The following SLC6A17 variants were observed in gnomAD, a reference collection of about 807,000 sequenced individuals.
SLC6A17 encodes solute carrier family 6 member 17, also known as sodium-dependent neutral amino acid transporter SLC6A17.
Under a neutral mutation model 64.5 loss-of-function variants are expected in SLC6A17, and 21 were observed. The ratio of observed to expected loss-of-function variants is 0.33; its 90% CI spans 0.23 to 0.47. The LOEUF is 0.47. Among genes scored for constraint, SLC6A17 ranks in the 20% least tolerant of loss-of-function variants. The pLI is 1.00. For missense variants in SLC6A17, 682 were observed against 963.2 expected, an observed-to-expected ratio of 0.71 and a Z score of 3.86; for synonymous variants, 372 against 399.5, an observed-to-expected ratio of 0.93 and a Z score of 0.82.
At chr1:110,186,732 C>T (rs542559888) in intron 6 of SLC6A17, among the ~76,000 whole-genome samples, 1 of 152,288 alleles carries the variant, frequency 6.6e-6, no homozygotes, top group African/African-American at 2.4e-5. Flanking sequence ...TTCATACAAA[C>T]AGGAGAGGAG....
rs1432947537 is a variant in SLC6A17 at position 110,172,194 on chromosome 1, G to T, written c.421G>T (p.Gly141Cys). 1.9e-6 allele frequency: 3 copies of T among 1,599,698 alleles called. No individual in the cohort carries two copies. The highest frequency in any genetic ancestry group is 2.6e-6 in the Non-Finnish European group (3 of 1,173,518). Residue 141 changes from glycine to cysteine, a missense_variant, in exon 3 of 12, where the codon GGC (glycine) becomes TGC (cysteine). Coordinates refer to ENST00000331565, the MANE Select transcript of SLC6A17 (RefSeq NM_001010898.4). ...VWHYICPRLG[G>C]IGFSSCIVCL... ...GCACTATATATGTCCCCGCCTGGGG[G>T]GCATCGGCTTCTCCAGCTGCATAGT... is the stretch of plus-strand genomic sequence containing the variant.
At chr1:110,169,065 G>A (rs1656148276) in intron 2 of SLC6A17, among the ~76,000 whole-genome samples, 1 of 152,136 alleles carries the variant, frequency 6.6e-6, no homozygotes, top group Non-Finnish European at 1.5e-5. Context: ...TCTATATCAA[G>A]TTGTCTTAAA....
At chr1:110,154,830 G>C (rs189935262) in intron 1 of SLC6A17, among the ~76,000 whole-genome samples, 1 of 152,158 alleles carries the variant, frequency 6.6e-6, no homozygotes, top group Non-Finnish European at 1.5e-5. Context: ...GCAGTTTCTG[G>C]TGAGGCCCCA....
chr1:110,162,146 G>A (rs370136780), intron 1 of SLC6A17, among the ~76,000 whole-genome samples: 3 of 152,224 alleles, frequency 2.0e-5, no homozygotes, highest in African/African-American at 7.2e-5. Context: ...TTCATCATCC[G>A]ACGTGTTGCT....
intron 6 of SLC6A17, among the ~76,000 whole-genome samples, chr1:110,177,120 A>G (rs568105193): frequency 1.3e-5 from 2 of 152,202 alleles, no homozygotes; most frequent in Non-Finnish European, 2.9e-5. Context: ...TAGCTAGGGT[A>G]TGAGAGCAGG....
chr1:110,164,581 C>T (rs1655996330), intron 1 of SLC6A17, among the ~76,000 whole-genome samples: 1 of 152,200 alleles, frequency 6.6e-6, no homozygotes. Flanking sequence ...TCCTGCAGAC[C>T]TAATGGCACA....
rs781541921 is a variant in SLC6A17, at chr1:110,195,717, G to A, written c.1624G>A (p.Ala542Thr). The A allele has an allele frequency of 1.1e-5, 18 of 1,614,106 alleles. No individual in the cohort carries two copies. The highest frequency in any genetic ancestry group is 5.0e-5 in the Admixed American group (3 of 60,012). Residue 542 changes from alanine (A) to threonine (T), a missense_variant, in exon 10 of 12, where the codon GCT becomes ACT. Around this residue, in one of 3 missense-constraint regions of SLC6A17, gnomAD observed 264 missense variants for 339.5 expected, o/e 0.78. Coordinates refer to ENST00000331565, the MANE Select transcript of SLC6A17 (RefSeq NM_001010898.4). ...LTLIVILENIAVAWIYGTKKF... is the reference protein window; with the variant it reads ...LTLIVILENITVAWIYGTKKF... ...TCTCATCGTCATCCTTGAGAACATC[G>A]CTGTGGCCTGGATTTATGGAACCAA...
At chr1:110,170,846 G>GGTGTGT (rs113598904) in intron 2 of SLC6A17, among the ~76,000 whole-genome samples, 2,118 of 150,110 alleles carry the variant, frequency 0.014, 54 homozygotes, top group African/African-American at 0.048. Context: ...ACTAGTCTGT[G>GGTGTGT]GTGTGTGTGT....
chr1:110,174,314 C>T (rs1656315849), intron 4 of SLC6A17, among the ~76,000 whole-genome samples: 1 of 152,192 alleles, frequency 6.6e-6, no homozygotes, highest in Non-Finnish European at 1.5e-5. Flanking sequence ...GTAGGTAAAA[C>T]TCTGGAAAGC....
intron 11 of SLC6A17, among the ~76,000 whole-genome samples, 164 bp downstream of exon 11, chr1:110,197,763 G>A (rs189926672): frequency 7.2e-5 from 11 of 152,370 alleles, no homozygotes; most frequent in Admixed American, 7.2e-4. Flanking sequence ...GACAGAGGTG[G>A]CATCATCCCT....
At chr1:110,172,400 A>C in intron 3 of SLC6A17, 183 bp downstream of exon 3, 2 of 753,540 alleles carry the variant, frequency 2.7e-6, no homozygotes, top group Non-Finnish European at 4.1e-6. Context: ...TGTTTCCTAA[A>C]CTGAGAGTCG....
At position 110,198,335 on chromosome 1, in the gene SLC6A17, G is replaced by T; in HGVS notation, c.2075G>T (p.Arg692Leu). 2 of 1,614,154 alleles carry T rather than the reference G, an allele frequency of 1.2e-6. No homozygotes were observed. Among genetic ancestry groups the T allele is most frequent in the Non-Finnish European group, 1.7e-6 (2 of 1,180,008 alleles). ...SEAPSPMPTH[R>L]SYLGPGSTSP... Reference sequence around the variant, plus strand: ...GCACCTTCCCCCATGCCCACTCACCGTTCCTATCTGGGGCCCGGCAGCACA... The same window carrying T: ...GCACCTTCCCCCATGCCCACTCACCTTTCCTATCTGGGGCCCGGCAGCACA... The change falls in exon 12 of 12, where the codon CGT becomes CTT. Residue 692 changes from arginine to leucine, a missense_variant. Transcript: ENST00000331565.
chr1:110,193,096 G>A (rs963703659), intron 8 of SLC6A17, among the ~76,000 whole-genome samples: 4 of 152,198 alleles, frequency 2.6e-5, no homozygotes, highest in Admixed American at 6.5e-5. Flanking sequence ...CTCTTTTGAC[G>A]CTCAAGACAG....
rs371275289 is a variant in SLC6A17 at position 110,193,541 on chromosome 1, T to C, written c.1299+843T>C. ...CGGAGCCAGCTCCCATCAGCCTGGG[T>C]CAACCCTGTCCTTCATGGGACTGGG... On this transcript the variant is annotated intron_variant, in intron 8 of 11. Transcript: ENST00000331565. 5.3e-5 allele frequency among the ~76,000 whole-genome samples: 8 copies of C among 152,342 alleles called. No homozygotes were observed. The East Asian group carries it at 1.5e-3, about 29-fold the overall frequency.
chr1:110,200,078 G>A lies in SLC6A17; in HGVS notation c.*1634G>A. 2.5e-6 allele frequency: 1 copy of A among 398,510 alleles called. No individual in the cohort carries two copies. Among genetic ancestry groups the A allele is most frequent in the South Asian group, 1.3e-4 (1 of 7,856 alleles). 24.7% of individuals were successfully genotyped at this position (398,510 alleles called of 1,614,324 possible). On this transcript the variant is annotated 3_prime_UTR_variant, in exon 12 of 12. Coordinates refer to ENST00000331565, the MANE Select transcript of SLC6A17 (RefSeq NM_001010898.4). ...GAAACAGGCCACAGTGCTCAACCCG[G>A]ACACCCTCACGAAGGGTCGCAAGTC...
intron 6 of SLC6A17, among the ~76,000 whole-genome samples, chr1:110,185,317 A>G (rs1421860382): frequency 3.3e-5 from 5 of 152,350 alleles, no homozygotes; most frequent in African/African-American, 1.2e-4. Context: ...TCCCTTGTGA[A>G]GGTGACACTG....
intron 2 of SLC6A17, among the ~76,000 whole-genome samples, chr1:110,170,298 C>A (rs2101845526): frequency 1.3e-5 from 2 of 152,238 alleles, no homozygotes; most frequent in Middle Eastern, 6.8e-3. Flanking sequence ...TCCTGGCTAA[C>A]ATGGTGAAAC....
chr1:110,191,943 C>A (rs1298496519), intron 6 of SLC6A17, 29 bp from the exon 7 acceptor site: 2 of 1,603,648 alleles, frequency 1.2e-6, no homozygotes, highest in African/African-American at 2.7e-5. Flanking sequence ...TGTCTCTTTT[C>A]TTCCTCCTGC....
intron 6 of SLC6A17, among the ~76,000 whole-genome samples, chr1:110,179,245 C>T (rs1011454697): frequency 2.0e-5 from 3 of 152,120 alleles, no homozygotes; most frequent in Admixed American, 6.5e-5. Context: ...ATAAACACTA[C>T]GCAGGTCTTC....
Sources: allele counts gnomAD v4.1 joint callset (sites outside exome capture counted in the v4.1 genomes callset), GRCh38; gene constraint gnomAD v4.1.1; regional missense constraint gnomAD v4.1.1; transcripts MANE v1.5; gene names NCBI Gene and HGNC (gene_info 2026-07-23, HGNC 2026-07-21).